GTF2H3: variants seen among roughly 807,000 people sequenced by gnomAD.
GTF2H3 encodes the protein TFIIH basal transcription factor complex p34 subunit.
GTF2H3 carries 42 observed loss-of-function variants against 51.1 expected under a neutral mutation model. That is an observed-to-expected ratio of 0.82 (90% CI 0.64 to 1.06). GTF2H3 has a LOEUF of 1.06. Ranked by LOEUF, GTF2H3 falls within the 50% of genes least tolerant of loss-of-function variation. The probability of loss-of-function intolerance (pLI) is 0.00; values close to 1 mark genes in which losing one functional copy is unlikely to be tolerated. For missense variants in GTF2H3, 326 were observed against 366.1 expected (o/e 0.89, Z 0.89); for synonymous variants, 123 against 123.8 (o/e 0.99, Z 0.04).
chr12:123,635,898 G>C (rs1335288263), intron 1 of GTF2H3, among the ~76,000 whole-genome samples: 4 of 152,236 alleles, frequency 2.6e-5, no homozygotes, highest in Non-Finnish European at 4.4e-5. Flanking sequence ...CAGTGGGGCA[G>C]TGAAGAGCCA....
chr12:123,645,095 G>A (rs1246446504), intron 2 of GTF2H3, among the ~76,000 whole-genome samples: 1 of 152,164 alleles, frequency 6.6e-6, no homozygotes, highest in Non-Finnish European at 1.5e-5. Context: ...GTTTGTTACA[G>A]GGTCTAGCTC....
At chr12:123,634,952 G>A (rs75943952) in intron 1 of GTF2H3, among the ~76,000 whole-genome samples, 263 of 152,330 alleles carry the variant, frequency 1.7e-3, no homozygotes, top group Admixed American at 2.7e-3. Context: ...CACTGTGGCT[G>A]TTGTGTGGAA....
intron 2 of GTF2H3, among the ~76,000 whole-genome samples, chr12:123,643,399 C>T (rs928121719): frequency 5.3e-5 from 8 of 152,140 alleles, no homozygotes; most frequent in East Asian, 1.9e-4. Context: ...GTTAAACATC[C>T]GCCAGCACAT....
chr12:123,637,813 A>T (rs1442065110), intron 1 of GTF2H3, among the ~76,000 whole-genome samples: 2 of 151,912 alleles, frequency 1.3e-5, no homozygotes, highest in African/African-American at 4.8e-5. Flanking sequence ...TTAAAAAGTG[A>T]CTCTTAATTA....
At chr12:123,637,067 T>C (rs1221422917) in intron 1 of GTF2H3, among the ~76,000 whole-genome samples, 1 of 152,138 alleles carries the variant, frequency 6.6e-6, no homozygotes, top group Admixed American at 6.6e-5. Context: ...CCTTGAGACC[T>C]TGTCTCAAAA....
intron 2 of GTF2H3, among the ~76,000 whole-genome samples, chr12:123,643,170 G>A (rs1221148060): frequency 6.6e-6 from 1 of 152,132 alleles, no homozygotes; most frequent in Admixed American, 6.6e-5. Flanking sequence ...GAGCTACTAC[G>A]CCCGGCCCAA....
At chr12:123,639,849 A>G (rs774395614) in intron 2 of GTF2H3, 1 of 412,676 alleles carries the variant, frequency 2.4e-6, no homozygotes, top group African/African-American at 2.0e-5. Flanking sequence ...CTACAGACCT[A>G]AGCAGATTGC....
rs3817308 is a variant in GTF2H3, at chr12:123,645,422, T to C, written c.94-33T>C. The stretch of plus-strand genomic sequence containing the variant: ...CTGACATGGTTATTTGGATAGCTAA[T>C]TTGTTTTTCTAATGTCTTTTTTTTT... On this transcript the variant is annotated intron_variant, in intron 2 of 12. Coordinates refer to ENST00000543341, the MANE Select transcript of GTF2H3 (RefSeq NM_001516.5). The C allele has an allele frequency of 6.1e-4, 688 of 1,134,356 alleles. 10 individuals carry two copies. The East Asian group carries it at 0.014, about 23-fold the overall frequency. The allele number at this position is 1,134,356 out of a possible 1,614,324, so 70.3% of individuals were successfully genotyped here.
chr12:123,642,062 C>A (rs894077854), intron 2 of GTF2H3, among the ~76,000 whole-genome samples: 1 of 151,960 alleles, frequency 6.6e-6, no homozygotes, highest in Non-Finnish European at 1.5e-5. Context: ...CCATATTGGT[C>A]AGGCTGATCT....
chr12:123,652,674 G>A (rs766705286), intron 6 of GTF2H3, 33 bp from the exon 7 acceptor site: 17 of 1,541,212 alleles, frequency 1.1e-5, no homozygotes, highest in Non-Finnish European at 1.4e-5. Flanking sequence ...GTAAGATTTA[G>A]TTAAATTTTT....
chr12:123,633,875 G>C lies in GTF2H3; in HGVS notation c.13+3G>C. 2 of 1,613,534 alleles carry C rather than the reference G, an allele frequency of 1.2e-6. No homozygotes were observed. Among genetic ancestry groups the C allele is most frequent in the Non-Finnish European group, 1.7e-6 (2 of 1,180,018 alleles). On this transcript the variant is annotated splice_donor_region_variant and intron_variant, in intron 1 of 12. Coordinates refer to ENST00000543341, the MANE Select transcript of GTF2H3 (RefSeq NM_001516.5). ...TGGGACAGCCATGGTTTCAGACGGT[G>C]AGGACCCTGCAGGGCGGGACTTCGA...
chr12:123,650,466 A>C (rs1277396462), intron 4 of GTF2H3: 1 of 155,354 alleles, frequency 6.4e-6, no homozygotes. Flanking sequence ...GATCATGAAT[A>C]AACTGGAACC....
At chr12:123,635,438 T>A (rs966725653) in intron 1 of GTF2H3, among the ~76,000 whole-genome samples, 1 of 151,842 alleles carries the variant, frequency 6.6e-6, no homozygotes, top group Non-Finnish European at 1.5e-5. Flanking sequence ...CCGGACAAGG[T>A]GGCGCACACC....
chr12:123,660,380 T>G lies in GTF2H3; in HGVS notation c.*145T>G, dbSNP rs1007434035. On this transcript the variant is annotated 3_prime_UTR_variant, in exon 13 of 13. Coordinates refer to ENST00000543341, the MANE Select transcript of GTF2H3 (RefSeq NM_001516.5). ...ACAGAAAATATTTCCCAAACATCCT[T>G]TTCATCCTGTGCTTCTGGAGGACTG... is the stretch of plus-strand genomic sequence containing the variant. 3.4e-6 allele frequency: 2 copies of G among 582,710 alleles called. No individual in the cohort carries two copies. The highest frequency in any genetic ancestry group is 3.8e-5 in the African/African-American group (2 of 53,020). 36.1% of individuals were successfully genotyped at this position (582,710 alleles called of 1,614,324 possible).
intron 1 of GTF2H3, among the ~76,000 whole-genome samples, chr12:123,637,462 T>TA (rs1185145649): frequency 1.3e-5 from 2 of 152,018 alleles, no homozygotes; most frequent in Non-Finnish European, 2.9e-5. Flanking sequence ...CTCTTAACAG[T>TA]AAAATCTTGA....
chr12:123,642,177 C>CT (rs111844500), intron 2 of GTF2H3, among the ~76,000 whole-genome samples: 51,850 of 140,022 alleles, frequency 0.37, 9,509 homozygotes, highest in Middle Eastern at 0.48. Context: ...TTTTTCTTTT[C>CT]TTTTTTTTTT....
At chr12:123,648,331 C>T (rs1455540165) in intron 4 of GTF2H3, 2 of 379,006 alleles carry the variant, frequency 5.3e-6, no homozygotes, top group East Asian at 4.3e-5. Flanking sequence ...TCTGGAAACA[C>T]GACTTTTGGC....
Position 123,639,362 on chromosome 12 carries a change from G to A in GTF2H3, c.93+19G>A, listed in dbSNP as rs1213099497. On this transcript the variant is annotated intron_variant, in intron 2 of 12. Transcript: ENST00000543341. ...ATCTCAGGTAAGACTGCTTGAGGAG[G>A]CCTTTGGAGAATTCTGGTTTAACTG... The A allele has an allele frequency of 6.8e-6, 9 of 1,330,504 alleles. No homozygotes were observed. The highest frequency in any genetic ancestry group is 9.7e-6 in the Non-Finnish European group (9 of 925,862). The allele number at this position is 1,330,504 out of a possible 1,614,324, so 82.4% of individuals were successfully genotyped here.
At position 123,651,074 on chromosome 12, in the gene GTF2H3, A is replaced by G. The variant is rs373248339; in HGVS notation, c.427+18A>G. ...CCTTTGCTGTATCCTTGGTGTCTGA[A>G]TCATTTAGAAGGTGTCTTCTGTAAT... is the stretch of plus-strand genomic sequence containing the variant. On this transcript the variant is annotated intron_variant, in intron 5 of 12. Coordinates refer to ENST00000543341, the MANE Select transcript of GTF2H3 (RefSeq NM_001516.5). 2 of 1,584,710 alleles carry G rather than the reference A, an allele frequency of 1.3e-6. No homozygotes were observed. Among genetic ancestry groups the G allele is most frequent in the Non-Finnish European group, 1.7e-6 (2 of 1,153,504 alleles).
Sources: gnomAD v4.1 joint callset for allele counts (sites outside exome capture counted in the v4.1 genomes callset) on GRCh38, gnomAD v4.1.1 for gene constraint, MANE v1.5 for transcripts, NCBI Gene and HGNC (gene_info 2026-07-23, HGNC 2026-07-21) for gene names.